The following ADAMTSL1 variants were observed in gnomAD, a reference collection of about 807,000 sequenced individuals.
The protein encoded by ADAMTSL1 is ADAMTS like 1.
In ADAMTSL1, 126 loss-of-function variants were observed where a neutral mutation model predicts 201.8. The ratio of observed to expected loss-of-function variants is 0.62; its 90% CI spans 0.54 to 0.72. The LOEUF (loss-of-function observed/expected upper bound fraction) is 0.72, where lower values mean the gene tolerates loss of function less well. Ranked by LOEUF, ADAMTSL1 falls within the 30% of genes least tolerant of loss-of-function variation. ADAMTSL1 has a pLI of 0.00. For missense variants in ADAMTSL1, 2,679 were observed against 2,277.8 expected, an observed-to-expected ratio of 1.18 and a Z score of -3.59; for synonymous variants, 1,121 against 903.4, an observed-to-expected ratio of 1.24 and a Z score of -4.32.
chr9:18,602,098 TA>T (rs1824701067), intron 4 of ADAMTSL1, among the ~76,000 whole-genome samples: 1 of 152,210 alleles, frequency 6.6e-6, no homozygotes, highest in South Asian at 2.1e-4. Flanking sequence ...TCTTCCTAGT[TA>T]GTGAATGGAT....
At chr9:18,659,922 A>T (rs5016291) in intron 8 of ADAMTSL1, among the ~76,000 whole-genome samples, 41 of 136,312 alleles carry the variant, frequency 3.0e-4, no homozygotes, top group African/African-American at 7.5e-4. Context: ...TTTTTTTTAA[A>T]AAAAAAAATG....
Position 18,770,676 on chromosome 9 carries a change from C to T in ADAMTSL1, c.2292C>T (p.Phe764=), listed in dbSNP as rs1331411301. The T allele has an allele frequency of 3.1e-6, 5 of 1,613,674 alleles. No homozygotes were observed. In the East Asian group the frequency reaches 6.7e-5, roughly 22 times the overall value. Residue 764 remains phenylalanine, a synonymous_variant, in exon 17 of 29, where the codon TTC becomes TTT. Transcript: ENST00000380548. ...LCKQRMADGS[F]LELPETFCSA... is the part of the protein sequence containing the mutation. ...AGCAGCGCATGGCTGATGGCAGCTTCCTGGAGCTTCCTGAGACCTTCTGTT... is the reference window on the plus strand; with the variant it reads ...AGCAGCGCATGGCTGATGGCAGCTTTCTGGAGCTTCCTGAGACCTTCTGTT...
chr9:17,916,469 C>T (rs1395458703), intron 1 of ADAMTSL1, among the ~76,000 whole-genome samples: 2 of 152,076 alleles, frequency 1.3e-5, no homozygotes, highest in Non-Finnish European at 2.9e-5. Context: ...TAGTTTCTTT[C>T]ATTCTTGAGT....
intron 2 of ADAMTSL1, among the ~76,000 whole-genome samples, chr9:18,429,646 A>G (rs141304481): frequency 0.015 from 2,262 of 152,310 alleles, 46 homozygotes; most frequent in South Asian, 0.073. Flanking sequence ...TTAGGCCTAA[A>G]TAATGCTCTT....
intron 14 of ADAMTSL1, among the ~76,000 whole-genome samples, chr9:18,709,457 T>G (rs947878688): frequency 1.1e-4 from 17 of 152,220 alleles, no homozygotes; most frequent in Non-Finnish European, 2.4e-4. Context: ...TTATTGTTTT[T>G]GTAATCTCAA....
intron 16 of ADAMTSL1, among the ~76,000 whole-genome samples, chr9:18,761,359 T>C (rs561850852): frequency 1.3e-4 from 20 of 152,338 alleles, no homozygotes; most frequent in Middle Eastern, 3.4e-3. Flanking sequence ...TTGTATTTTT[T>C]GTGTAGAGAC....
intron 1 of ADAMTSL1, among the ~76,000 whole-genome samples, chr9:18,133,998 A>G (rs531712905): frequency 1.3e-5 from 2 of 152,204 alleles, no homozygotes; most frequent in Admixed American, 1.3e-4. Flanking sequence ...ATGGAATAAC[A>G]GTAACATTAT....
At chr9:18,401,902 G>A (rs759188319) in intron 2 of ADAMTSL1, among the ~76,000 whole-genome samples, 2 of 152,154 alleles carry the variant, frequency 1.3e-5, no homozygotes, top group Non-Finnish European at 2.9e-5. Flanking sequence ...CAGGCTTCAT[G>A]ACCAGCATTT....
At position 18,705,871 on chromosome 9, in the gene ADAMTSL1, G is replaced by A. The variant is rs551279719; in HGVS notation, c.1575-876G>A. 3.3e-5 allele frequency among the ~76,000 whole-genome samples: 5 copies of A among 152,306 alleles called. No individual in the cohort carries two copies. In the South Asian group the frequency reaches 1.0e-3, roughly 32 times the overall value. On this transcript the variant is annotated intron_variant, in intron 13 of 28. Transcript: ENST00000380548. ...TCAGTATCAGTCTGCTATAAGAATA[G>A]CCAGCAACTTGCAGGAGGCACAAGT...
intron 23 of ADAMTSL1, among the ~76,000 whole-genome samples, chr9:18,855,534 G>A (rs1463168793): frequency 2.0e-5 from 3 of 152,120 alleles, no homozygotes; most frequent in Admixed American, 6.5e-5. Flanking sequence ...AATTGTATTC[G>A]TGTTCTAGAA....
At chr9:18,737,797 C>T (rs1227927296) in intron 15 of ADAMTSL1, among the ~76,000 whole-genome samples, 5 of 152,178 alleles carry the variant, frequency 3.3e-5, no homozygotes, top group Admixed American at 6.5e-5. Context: ...AAGCTCAAAG[C>T]CTGAAAAGTA....
At chr9:18,311,890 G>T (rs1834171881) in intron 2 of ADAMTSL1, among the ~76,000 whole-genome samples, 1 of 152,118 alleles carries the variant, frequency 6.6e-6, no homozygotes, top group Non-Finnish European at 1.5e-5. Flanking sequence ...AAAGGCATTT[G>T]TCAAGTGGGC....
chr9:18,094,930 T>C (rs1397204384), intron 1 of ADAMTSL1, among the ~76,000 whole-genome samples: 1 of 152,166 alleles, frequency 6.6e-6, no homozygotes, highest in Non-Finnish European at 1.5e-5. Flanking sequence ...CACCTAAATC[T>C]AAACATAATC....
intron 1 of ADAMTSL1, among the ~76,000 whole-genome samples, chr9:17,951,286 G>T (rs1472752476): frequency 5.9e-5 from 9 of 152,082 alleles, no homozygotes. Context: ...AATGCTTCAG[G>T]GGCGATTTTT....
intron 9 of ADAMTSL1, among the ~76,000 whole-genome samples, chr9:18,663,716 A>G (rs558175916): frequency 6.7e-6 from 1 of 148,648 alleles, no homozygotes; most frequent in African/African-American, 2.5e-5. Context: ...GCTTTTTTCC[A>G]CAAAGAAAAA....
At chr9:18,142,701 T>C (rs191708108) in intron 1 of ADAMTSL1, among the ~76,000 whole-genome samples, 228 of 152,288 alleles carry the variant, frequency 1.5e-3, no homozygotes, top group African/African-American at 5.0e-3. Flanking sequence ...ATGCTGGCTC[T>C]CTAAAAAGGA....
At chr9:18,505,058 G>A in intron 2 of ADAMTSL1, 102 bp downstream of exon 2, 3 of 1,386,334 alleles carry the variant, frequency 2.2e-6, no homozygotes, top group East Asian at 5.1e-5. Context: ...GTGGCTTACA[G>A]ATCCAGATAA....
At chr9:18,648,898 G>C (rs1247234607) in intron 7 of ADAMTSL1, among the ~76,000 whole-genome samples, 3 of 151,236 alleles carry the variant, frequency 2.0e-5, no homozygotes, top group Non-Finnish European at 4.4e-5. Context: ...GTACCTTTGT[G>C]GTGTTCTCTG....
At chr9:18,902,711 C>T (rs1319855126) in intron 26 of ADAMTSL1, among the ~76,000 whole-genome samples, 1 of 151,992 alleles carries the variant, frequency 6.6e-6, no homozygotes, top group Non-Finnish European at 1.5e-5. Flanking sequence ...AATGAGCAAA[C>T]TAAACCTAAC....
Sources: allele counts gnomAD v4.1 joint callset (sites outside exome capture counted in the v4.1 genomes callset), GRCh38; gene constraint gnomAD v4.1.1; transcripts MANE v1.5; gene names NCBI Gene and HGNC (gene_info 2026-07-23, HGNC 2026-07-21).